The following PCSK5 variants were observed in gnomAD, a reference collection of about 807,000 sequenced individuals.
PCSK5 encodes proprotein convertase subtilisin/kexin type 5.
Under a neutral mutation model 233.2 loss-of-function variants are expected in PCSK5, and 129 were observed. The observed-to-expected ratio is 0.55, with a 90% CI of 0.48 to 0.64. The LOEUF is 0.64. Among genes scored for constraint, PCSK5 ranks in the 30% least tolerant of loss-of-function variants. The pLI, the probability that PCSK5 is intolerant of heterozygous loss-of-function variation, is 0.00. For missense variants in PCSK5, 2,076 were observed against 2,430.1 expected, an observed-to-expected ratio of 0.85 and a Z score of 3.06; for synonymous variants, 825 against 879.2, an observed-to-expected ratio of 0.94 and a Z score of 1.09.
chr9:76,222,288 T>C (rs893689163), intron 20 of PCSK5, among the ~76,000 whole-genome samples: 1 of 152,180 alleles, frequency 6.6e-6, no homozygotes, highest in East Asian at 1.9e-4. Context: ...TAAAATGAAG[T>C]ATTGGCCTGC....
Position 76,321,614 on chromosome 9 carries a change from C to G in PCSK5, c.4077C>G (p.Asp1359Glu), listed in dbSNP as rs941535626. 2 of 1,611,746 alleles carry G rather than the reference C, an allele frequency of 1.2e-6. No homozygotes were observed. The highest frequency in any genetic ancestry group is 1.7e-5 in the Admixed American group (1 of 59,988). Residue 1359 changes from aspartate (D) to glutamate (E), a missense_variant, in exon 31 of 38, where the codon GAC (aspartate) becomes GAG (glutamate). Physicochemically the swap from Asp to Glu is conservative, Grantham distance 45 (BLOSUM62 2). Transcript: ENST00000674117. ...VCKHCPEMCQ[D>E]CIHEKTCKEC... ...AGCATTGCCCAGAGATGTGTCAGGA[C>G]TGCATCCATGAGAAAACATGCAAAG...
chr9:76,050,002 G>T (rs551764219), intron 5 of PCSK5, among the ~76,000 whole-genome samples: 19 of 152,160 alleles, frequency 1.2e-4, no homozygotes, highest in Admixed American at 1.1e-3. Context: ...TATGATTCAG[G>T]ATTTTCTGGC....
intron 9 of PCSK5, among the ~76,000 whole-genome samples, chr9:76,121,419 C>T (rs1407649634): frequency 6.6e-6 from 1 of 152,014 alleles, no homozygotes; most frequent in East Asian, 1.9e-4. Flanking sequence ...TCTTTTACTA[C>T]CTAATGTGTG....
Position 76,092,317 on chromosome 9 carries a change from AAAG to A in PCSK5, c.895-3568_895-3566del, listed in dbSNP as rs1156818107. Among the ~76,000 whole-genome samples, 6 of 152,340 alleles carry A rather than the reference AAAG, an allele frequency of 3.9e-5. No homozygotes were observed. In the South Asian group the frequency reaches 6.2e-4, roughly 16 times the overall value. On this transcript the variant is annotated intron_variant, in intron 7 of 37. Transcript: ENST00000674117. ...TAACCACTAGCCCTCTTTTTGCCCA[AAAG>A]AAGACTATTGTAAGGATTAATAGCT...
At chr9:75,983,115 A>G (rs1401654187) in intron 2 of PCSK5, among the ~76,000 whole-genome samples, 1 of 152,060 alleles carries the variant, frequency 6.6e-6, no homozygotes, top group African/African-American at 2.4e-5. Context: ...CTATGCTATT[A>G]CATTGGTATA....
Position 76,338,294 on chromosome 9 carries a change from G to A in PCSK5, c.4813G>A (p.Gly1605Ser). Reference sequence around the variant, plus strand: ...CAACAGGAGCTGCAAGGGGTGCCAGGGCCCACGGCCCACAGACTGCCTGTC... The same window carrying A: ...CAACAGGAGCTGCAAGGGGTGCCAGAGCCCACGGCCCACAGACTGCCTGTC... ...RCNRSCKGCQ[G>S]PRPTDCLSCD... The change falls in exon 35 of 38, where the codon GGC becomes AGC. Residue 1605 changes from glycine to serine, a missense_variant. Physicochemically the swap from Gly to Ser is moderately conservative, Grantham distance 56 (BLOSUM62 0). This residue lies in a region of PCSK5 where 1,510 missense variants were observed against 1,538.1 expected (regional missense o/e 0.98). Transcript: ENST00000674117. 6.2e-7 allele frequency: 1 copy of A among 1,612,610 alleles called. No individual in the cohort carries two copies. The highest frequency in any genetic ancestry group is 8.5e-7 in the Non-Finnish European group (1 of 1,179,774).
intron 24 of PCSK5, chr9:76,288,151 C>G (rs1828147121): frequency 1.3e-5 from 2 of 152,240 alleles, no homozygotes. Flanking sequence ...TCAAGCCCAG[C>G]TCTTCTTTGT....
At chr9:76,239,224 T>C (rs1176588175) in intron 23 of PCSK5, 59 bp downstream of exon 23, 1 of 1,371,296 alleles carries the variant, frequency 7.3e-7, no homozygotes, top group Non-Finnish European at 1.0e-6. Flanking sequence ...GGCTGCACCC[T>C]GGATGTCCTG....
chr9:76,337,725 C>T lies in PCSK5; in HGVS notation c.4749-505C>T, dbSNP rs1159022877. On this transcript the variant is annotated intron_variant, in intron 34 of 37. Coordinates refer to ENST00000674117, the MANE Select transcript of PCSK5 (RefSeq NM_001372043.1). ...CTGACCTCAAGTGATCCACCCATGT[C>T]GGCCTCCCAAAGTGCTATAATTACA... Among the ~76,000 whole-genome samples the T allele has an allele frequency of 7.3e-5, 11 of 151,462 alleles. 1 individual carries two copies. The highest frequency in any genetic ancestry group is 2.0e-4 in the Admixed American group (3 of 15,196).
intron 20 of PCSK5, among the ~76,000 whole-genome samples, chr9:76,218,662 TGAGAGA>T (rs3077118): frequency 6.6e-6 from 1 of 150,912 alleles, no homozygotes; most frequent in East Asian, 1.9e-4. Context: ...CCACATCCTA[TGAGAGA>T]GAGAGAGAGT....
intron 1 of PCSK5, among the ~76,000 whole-genome samples, chr9:75,922,439 G>A (rs978369388): frequency 1.3e-5 from 2 of 152,130 alleles, no homozygotes; most frequent in East Asian, 3.9e-4. Context: ...GGCTTGTCTA[G>A]GGGAAGTAAC....
chr9:76,313,071 C>G lies in PCSK5; in HGVS notation c.3884+2220C>G, dbSNP rs139091002. 3.6e-4 allele frequency among the ~76,000 whole-genome samples: 55 copies of G among 152,206 alleles called. 1 individual carries two copies. Among genetic ancestry groups the G allele is most frequent in the African/African-American group, 1.3e-3 (54 of 41,532 alleles). On this transcript the variant is annotated intron_variant, in intron 30 of 37. Coordinates refer to ENST00000674117, the MANE Select transcript of PCSK5 (RefSeq NM_001372043.1). Reference sequence around the variant, plus strand: ...CTGTAAATGTATGATCCCATTAATCCTCACAAGAATTCTCTTATCCACTTA... The same window carrying G: ...CTGTAAATGTATGATCCCATTAATCGTCACAAGAATTCTCTTATCCACTTA...
rs200582574 is a variant in PCSK5, at chr9:76,169,867, T to G, written c.1756+27T>G. 2,447 of 1,593,106 alleles carry G rather than the reference T, an allele frequency of 1.5e-3. 2 individuals carry two copies. The highest frequency in any genetic ancestry group is 2.0e-3 in the Non-Finnish European group (2,328 of 1,161,952). On this transcript the variant is annotated intron_variant, in intron 13 of 37. Coordinates refer to ENST00000674117, the MANE Select transcript of PCSK5 (RefSeq NM_001372043.1). ...TGAGAACTCCCTTTCTATACATTGT[T>G]CTACTGTGTAGAAGAAAATGATGGA...
rs35508069 is a variant in PCSK5, at chr9:75,942,882, C to CTTTT, written c.297+10401_297+10402insTTTT. ...TTGTTGTGGTATTTCTTTTCTTCTTCTTCTTTTTTTTTTTTTTTTTGAGAT... is the reference window on the plus strand; with the variant it reads ...TTGTTGTGGTATTTCTTTTCTTCTTCTTTTTTCTTTTTTTTTTTTTTTTTGAGAT... On this transcript the variant is annotated intron_variant, in intron 2 of 37. Transcript: ENST00000674117. Among the ~76,000 whole-genome samples, 209 of 112,922 alleles carry CTTTT rather than the reference C, an allele frequency of 1.9e-3. 3 individuals are homozygous for CTTTT. Among genetic ancestry groups the CTTTT allele is most frequent in the Middle Eastern group, 5.7e-3 (1 of 176 alleles). 74.1% of individuals were successfully genotyped at this position (112,922 alleles called of 152,430 possible). A position where few individuals can be genotyped will look rare whatever the true frequency, so the allele number is the denominator to read the frequency against.
At chr9:75,917,989 A>T (rs1159108169) in intron 1 of PCSK5, among the ~76,000 whole-genome samples, 1 of 152,166 alleles carries the variant, frequency 6.6e-6, no homozygotes, top group Non-Finnish European at 1.5e-5. Context: ...GGGAATTTTT[A>T]GTTCTGAAAT....
chr9:76,193,448 C>T, intron 20 of PCSK5: 1 of 861,450 alleles, frequency 1.2e-6, no homozygotes, highest in Non-Finnish European at 1.7e-6. Context: ...AAAAGCAAGC[C>T]ACCTCTCTCT....
intron 25 of PCSK5, among the ~76,000 whole-genome samples, chr9:76,295,047 G>T (rs1025769072): frequency 2.6e-5 from 4 of 151,990 alleles, no homozygotes; most frequent in African/African-American, 9.7e-5. Flanking sequence ...CCAGCTACTC[G>T]GGAGGCTGAG....
chr9:75,925,709 G>T (rs1201620599), intron 1 of PCSK5, among the ~76,000 whole-genome samples: 1 of 152,166 alleles, frequency 6.6e-6, no homozygotes, highest in Non-Finnish European at 1.5e-5. Flanking sequence ...GGAGGTGCAA[G>T]GGCCCCAAGA....
chr9:76,287,309 T>C (rs1828108831), intron 24 of PCSK5: 1 of 227,972 alleles, frequency 4.4e-6, no homozygotes, highest in Non-Finnish European at 1.0e-5. Flanking sequence ...TAGGGTATGG[T>C]CCAGGCCAGT....
Sources: gnomAD v4.1 joint callset for allele counts (sites outside exome capture counted in the v4.1 genomes callset) on GRCh38, gnomAD v4.1.1 for gene constraint, gnomAD v4.1.1 regional missense constraint, MANE v1.5 for transcripts, NCBI Gene and HGNC (gene_info 2026-07-23, HGNC 2026-07-21) for gene names.